Variants in DLG2 observed in about 807,000 individuals in gnomAD.
The protein encoded by DLG2 is disks large homolog 2.
A neutral mutation model predicts 132.5 loss-of-function variants in DLG2; 45 were observed. The ratio of observed to expected loss-of-function variants is 0.34; its 90% CI spans 0.27 to 0.44. DLG2 has a LOEUF of 0.44. Among genes scored for constraint, DLG2 ranks in the 20% least tolerant of loss-of-function variants. The pLI, the probability that DLG2 is intolerant of heterozygous loss-of-function variation, is 1.00. For synonymous variants in DLG2, 424 were observed against 419.6 expected (o/e 1.01, Z -0.13); for missense variants, 1,045 against 1,196.9 (o/e 0.87, Z 1.87).
chr11:83,761,864 G>A (rs1462027317), intron 18 of DLG2, among the ~76,000 whole-genome samples: 2 of 152,160 alleles, frequency 1.3e-5, no homozygotes, highest in South Asian at 2.1e-4. Context: ...TAAATAAAAT[G>A]TATCTTTATT....
chr11:84,380,359 G>C (rs1326639734), intron 7 of DLG2, among the ~76,000 whole-genome samples: 3 of 151,876 alleles, frequency 2.0e-5, no homozygotes, highest in African/African-American at 7.3e-5. Context: ...CCTATACTAG[G>C]CCATAGTTCA....
intron 8 of DLG2, among the ~76,000 whole-genome samples, chr11:84,215,256 G>A (rs1354643385): frequency 6.6e-6 from 1 of 152,126 alleles, no homozygotes; most frequent in Admixed American, 6.5e-5. Context: ...ACTTCCACCT[G>A]ATCATAGTAG....
intron 3 of DLG2, among the ~76,000 whole-genome samples, chr11:85,420,677 A>T (rs2090222471): frequency 6.6e-6 from 1 of 152,218 alleles, no homozygotes; most frequent in Non-Finnish European, 1.5e-5. Context: ...TGGCTTTGCC[A>T]AGCTGTGGTG....
chr11:85,222,787 T>C (rs1420099688), intron 4 of DLG2, among the ~76,000 whole-genome samples: 1 of 152,244 alleles, frequency 6.6e-6, no homozygotes, highest in Non-Finnish European at 1.5e-5. Context: ...TGTACCACAT[T>C]GCCTTCTGAG....
intron 16 of DLG2, among the ~76,000 whole-genome samples, chr11:83,872,779 G>A (rs138270890): frequency 4.1e-4 from 63 of 152,300 alleles, no homozygotes; most frequent in African/African-American, 1.3e-3. Context: ...ACTTTGTGCT[G>A]ATGGCCAAAA....
At chr11:83,510,820 T>C (rs2094967539) in intron 21 of DLG2, among the ~76,000 whole-genome samples, 1 of 138,852 alleles carries the variant, frequency 7.2e-6, no homozygotes, top group Non-Finnish European at 1.5e-5. Context: ...CAAAAGTTTC[T>C]GAACCATCCG....
At chr11:83,486,109 G>A in intron 21 of DLG2, 1 of 578,086 alleles carries the variant, frequency 1.7e-6, no homozygotes. Context: ...TGTAATTTAG[G>A]GTTGGTGTCC....
chr11:84,669,524 C>T (rs902389448), intron 6 of DLG2, among the ~76,000 whole-genome samples: 5 of 152,132 alleles, frequency 3.3e-5, no homozygotes, highest in Non-Finnish European at 5.9e-5. Flanking sequence ...CATTCATAAA[C>T]TCCTTCACTT....
intron 7 of DLG2, among the ~76,000 whole-genome samples, chr11:84,435,718 C>T (rs1267373945): frequency 6.6e-6 from 1 of 152,074 alleles, no homozygotes; most frequent in Non-Finnish European, 1.5e-5. Flanking sequence ...GATTGAAAGC[C>T]CCTTACTAGC....
intron 18 of DLG2, among the ~76,000 whole-genome samples, chr11:83,723,896 C>T (rs544754226): frequency 6.6e-6 from 1 of 151,996 alleles, no homozygotes; most frequent in Non-Finnish European, 1.5e-5. Context: ...AAGCATGAAC[C>T]TCAGAAATTG....
At chr11:83,607,313 A>G (rs2059492646) in intron 19 of DLG2, among the ~76,000 whole-genome samples, 1 of 152,246 alleles carries the variant, frequency 6.6e-6, no homozygotes, top group Non-Finnish European at 1.5e-5. Flanking sequence ...GTAAGGAGGC[A>G]GCTGTAGGCT....
chr11:83,898,871 A>G (rs1481732956), intron 15 of DLG2, among the ~76,000 whole-genome samples: 7 of 152,224 alleles, frequency 4.6e-5, no homozygotes, highest in Admixed American at 3.9e-4. Context: ...ATATCCCTGT[A>G]TAATTCAGAA....
At chr11:84,211,921 A>G (rs1199804374) in intron 8 of DLG2, among the ~76,000 whole-genome samples, 1 of 152,200 alleles carries the variant, frequency 6.6e-6, no homozygotes, top group East Asian at 1.9e-4. Context: ...CTATACTTCT[A>G]TTCTATATAA....
Position 84,455,566 on chromosome 11 carries a change from A to G in DLG2, c.519+79004T>C, listed in dbSNP as rs1023653385. On this transcript the variant is annotated intron_variant, in intron 7 of 27. Coordinates refer to ENST00000376104, the MANE Select transcript of DLG2 (RefSeq NM_001142699.3). ...GTGTTATGCTCCCTCTCTTTGCCCA[A>G]ATGCATTTTTAAAAAAAGTTAGAAA... 1.3e-4 allele frequency among the ~76,000 whole-genome samples: 20 copies of G among 151,398 alleles called. No homozygotes were observed. The East Asian group carries it at 2.5e-3, about 19-fold the overall frequency.
intron 2 of DLG2, among the ~76,000 whole-genome samples, chr11:85,622,786 G>A (rs1173923324): frequency 2.0e-5 from 3 of 152,260 alleles, no homozygotes; most frequent in East Asian, 3.9e-4. Flanking sequence ...AAGGCCAGGC[G>A]CACTGGCTCA....
chr11:84,773,621 T>C (rs182159404), intron 6 of DLG2, among the ~76,000 whole-genome samples: 11 of 152,244 alleles, frequency 7.2e-5, no homozygotes, highest in Non-Finnish European at 8.8e-5. Flanking sequence ...GTTCCACATA[T>C]GCAAACCCAT....
intron 7 of DLG2, among the ~76,000 whole-genome samples, chr11:84,347,728 A>G (rs2154409979): frequency 6.6e-6 from 1 of 152,304 alleles, no homozygotes; most frequent in East Asian, 1.9e-4. Context: ...ATTTTGTGAC[A>G]ATGAAATGGC....
At chr11:85,437,534 T>C (rs912142236) in intron 3 of DLG2, among the ~76,000 whole-genome samples, 6 of 152,150 alleles carry the variant, frequency 3.9e-5, no homozygotes, top group African/African-American at 1.4e-4. Flanking sequence ...AGAGACAAGA[T>C]AGTGCTCTTG....
chr11:85,460,130 T>A (rs1386956003), intron 3 of DLG2, among the ~76,000 whole-genome samples: 1 of 152,148 alleles, frequency 6.6e-6, no homozygotes, highest in African/African-American at 2.4e-5. Context: ...CTGGGCCTCA[T>A]CCTGTGAAAT....
Sources: allele counts gnomAD v4.1 joint callset (sites outside exome capture counted in the v4.1 genomes callset), GRCh38; gene constraint gnomAD v4.1.1; transcripts MANE v1.5; gene names NCBI Gene and HGNC (gene_info 2026-07-23, HGNC 2026-07-21).